Variants in CNTN1 observed in about 807,000 individuals in gnomAD.
CNTN1 encodes contactin 1, also known as contactin-1.
A neutral mutation model predicts 126.4 loss-of-function variants in CNTN1; 38 were observed. The ratio of observed to expected loss-of-function variants is 0.30; its 90% CI spans 0.23 to 0.39. CNTN1 has a LOEUF of 0.39. Among genes scored for constraint, CNTN1 ranks in the 10% least tolerant of loss-of-function variants. CNTN1 has a pLI of 1.00. For synonymous variants in CNTN1, 413 were observed against 422.6 expected (o/e 0.98, Z 0.28); for missense variants, 1,009 against 1,248.4 (o/e 0.81, Z 2.89).
chr12:40,915,222 ATT>A (rs1945188145), intron 3 of CNTN1, among the ~76,000 whole-genome samples: 1 of 152,144 alleles, frequency 6.6e-6, no homozygotes, highest in Admixed American at 6.6e-5. Flanking sequence ...GTTCATGTGA[ATT>A]TGTCTTTATT....
chr12:40,932,206 AAGGGTGGGGCC>A (rs551214689), intron 7 of CNTN1, among the ~76,000 whole-genome samples: 116 of 152,022 alleles, frequency 7.6e-4, no homozygotes, highest in African/African-American at 2.8e-3. Flanking sequence ...TTCACTTGTC[AAGGGTGGGGCC>A]AGGTGGAGAT....
In CNTN1 at chr12:40,929,788, T is replaced by C. The variant is rs1383794682; in HGVS notation, c.497-8T>C. On this transcript the variant is annotated splice_polypyrimidine_tract_variant and splice_region_variant and intron_variant, in intron 6 of 23. Coordinates refer to ENST00000551295, the MANE Select transcript of CNTN1 (RefSeq NM_001843.4). ...ACTTAATATTTAGAAGGCAATATTTTCTCCTAGATGATCTTAGCTATCGCT... is the reference window on the plus strand; with the variant it reads ...ACTTAATATTTAGAAGGCAATATTTCCTCCTAGATGATCTTAGCTATCGCT... 6.2e-7 allele frequency: 1 copy of C among 1,604,948 alleles called. No individual in the cohort carries two copies. The highest frequency in any genetic ancestry group is 1.3e-5 in the African/African-American group (1 of 74,644).
intron 15 of CNTN1, among the ~76,000 whole-genome samples, chr12:40,973,155 G>A (rs1248020833): frequency 1.3e-5 from 2 of 151,738 alleles, no homozygotes; most frequent in Non-Finnish European, 2.9e-5. Context: ...TTTCTAACTG[G>A]GATCTAAATT....
intron 17 of CNTN1, among the ~76,000 whole-genome samples, chr12:40,998,584 G>A (rs1217782471): frequency 3.3e-5 from 5 of 151,980 alleles, no homozygotes; most frequent in Non-Finnish European, 5.9e-5. Flanking sequence ...CAGAGCAAGC[G>A]CTCAGAAGAG....
At position 40,924,534 on chromosome 12, in the gene CNTN1, CTCT is replaced by C; in HGVS notation, c.401-21_401-19del. The C allele has an allele frequency of 7.8e-7, 1 of 1,277,554 alleles. No individual in the cohort carries two copies. Among genetic ancestry groups the C allele is most frequent in the Non-Finnish European group, 1.1e-6 (1 of 877,166 alleles). 79.1% of individuals were successfully genotyped at this position (1,277,554 alleles called of 1,614,324 possible). The stretch of plus-strand genomic sequence containing the variant: ...TCTATTGACCAGAGAGTGAATGTTT[CTCT>C]TTTTTTCTTTCGTAATTAGATCTTG... On this transcript the variant is annotated intron_variant, in intron 5 of 23. Transcript: ENST00000551295.
At chr12:40,717,852 T>G (rs558854750) in intron 1 of CNTN1, among the ~76,000 whole-genome samples, 1 of 152,314 alleles carries the variant, frequency 6.6e-6, no homozygotes, top group Admixed American at 6.5e-5. Flanking sequence ...AAAACTAGGT[T>G]CATCATCTTT....
chr12:40,801,667 A>T (rs1592102187), intron 1 of CNTN1, among the ~76,000 whole-genome samples: 1 of 151,778 alleles, frequency 6.6e-6, no homozygotes, highest in Admixed American at 6.6e-5. Context: ...GTGGTGAAGG[A>T]GGGGGAAAGA....
rs146171300 is a variant in CNTN1 at position 40,749,909 on chromosome 12, G to A, written c.-77+57317G>A. 7.2e-5 allele frequency among the ~76,000 whole-genome samples: 11 copies of A among 152,094 alleles called. No homozygotes were observed. In the East Asian group the frequency reaches 2.1e-3, roughly 30 times the overall value. Reference sequence around the variant, plus strand: ...GGTTTTTCACTATTTTACGTATGTGGTTAGGAAGTTCTGACTCTCAAGAAG... The same window carrying A: ...GGTTTTTCACTATTTTACGTATGTGATTAGGAAGTTCTGACTCTCAAGAAG... On this transcript the variant is annotated intron_variant, in intron 1 of 23. Coordinates refer to ENST00000551295, the MANE Select transcript of CNTN1 (RefSeq NM_001843.4).
intron 15 of CNTN1, among the ~76,000 whole-genome samples, chr12:40,980,520 C>A (rs1235339812): frequency 1.3e-5 from 2 of 150,960 alleles, no homozygotes; most frequent in African/African-American, 4.9e-5. Flanking sequence ...TGACAATAGA[C>A]CAAATGTTCC....
At chr12:40,844,525 T>G (rs574979958) in intron 1 of CNTN1, among the ~76,000 whole-genome samples, 2 of 152,292 alleles carry the variant, frequency 1.3e-5, no homozygotes, top group African/African-American at 4.8e-5. Flanking sequence ...AAAAAATGCT[T>G]CTTGCAGTAG....
At chr12:40,811,779 T>C (rs1941074281) in intron 1 of CNTN1, among the ~76,000 whole-genome samples, 1 of 151,900 alleles carries the variant, frequency 6.6e-6, no homozygotes, top group Admixed American at 6.6e-5. Context: ...TTTGAGTCTT[T>C]TCTCCTTTTT....
chr12:40,780,717 T>C lies in CNTN1; in HGVS notation c.-77+88125T>C, dbSNP rs541488062. ...AAAAAAAAAAAACACCAATCCTCAT[T>C]TCAAGGTTCATCTCAAAAATCCATG... On this transcript the variant is annotated intron_variant, in intron 1 of 23. Coordinates refer to ENST00000551295, the MANE Select transcript of CNTN1 (RefSeq NM_001843.4). Among the ~76,000 whole-genome samples the C allele has an allele frequency of 8.7e-5, 13 of 149,976 alleles. 1 individual carries two copies. Among genetic ancestry groups the C allele is most frequent in the Admixed American group, 8.0e-4 (12 of 15,006 alleles).
rs1555181607 is a variant in CNTN1 at position 40,924,896 on chromosome 12, A to ATATATATATATATATATATATATT, written c.496+246_496+247insTATATATATATATATATATATTTA. 8.1e-5 allele frequency among the ~76,000 whole-genome samples: 12 copies of ATATATATATATATATATATATATT among 147,356 alleles called. 1 individual carries two copies. Among genetic ancestry groups the ATATATATATATATATATATATATT allele is most frequent in the Non-Finnish European group, 1.6e-4 (11 of 66,684 alleles). On this transcript the variant is annotated intron_variant, in intron 6 of 23. Coordinates refer to ENST00000551295, the MANE Select transcript of CNTN1 (RefSeq NM_001843.4). ...AGTTTATAAACATATATATATATAT[A>ATATATATATATATATATATATATT]TAGTATTATGTCATCATTAAAGTTC...
chr12:40,703,192 T>A (rs1431611035), intron 1 of CNTN1, among the ~76,000 whole-genome samples: 1 of 152,150 alleles, frequency 6.6e-6, no homozygotes, highest in East Asian at 1.9e-4. Context: ...TATTTCCAAA[T>A]AAAATTATTA....
At chr12:40,962,924 A>G (rs915820402) in intron 15 of CNTN1, among the ~76,000 whole-genome samples, 1 of 152,116 alleles carries the variant, frequency 6.6e-6, no homozygotes, top group African/African-American at 2.4e-5. Context: ...TATAGAGATT[A>G]TTTTTGCAAG....
At chr12:40,740,078 G>A (rs1937871167) in intron 1 of CNTN1, among the ~76,000 whole-genome samples, 1 of 152,028 alleles carries the variant, frequency 6.6e-6, no homozygotes, top group South Asian at 2.1e-4. Context: ...ACTCATAAGG[G>A]TAAATAAATT....
chr12:41,061,082 T>C (rs988696626), intron 23 of CNTN1, among the ~76,000 whole-genome samples: 2 of 152,192 alleles, frequency 1.3e-5, no homozygotes, highest in Admixed American at 1.3e-4. Flanking sequence ...GCAGATAGAA[T>C]TGTCTCACCT....
intron 1 of CNTN1, among the ~76,000 whole-genome samples, chr12:40,830,282 G>A (rs954323007): frequency 6.6e-6 from 1 of 151,968 alleles, no homozygotes; most frequent in Admixed American, 6.6e-5. Flanking sequence ...CAATTGGGAG[G>A]AACCAACAAA....
chr12:41,033,071 T>C (rs1261209725), intron 23 of CNTN1, among the ~76,000 whole-genome samples: 1 of 152,180 alleles, frequency 6.6e-6, no homozygotes, highest in East Asian at 1.9e-4. Flanking sequence ...GATCCGCAAA[T>C]TTGATTCTTA....
Sources: gnomAD v4.1 joint callset for allele counts (sites outside exome capture counted in the v4.1 genomes callset) on GRCh38, gnomAD v4.1.1 for gene constraint, MANE v1.5 for transcripts, NCBI Gene and HGNC (gene_info 2026-07-23, HGNC 2026-07-21) for gene names.